LEMD3: variants seen among roughly 807,000 people sequenced by gnomAD.
LEMD3 encodes the protein LEM domain containing 3, also known as inner nuclear membrane protein Man1.
In LEMD3, 33 loss-of-function variants were observed where a neutral mutation model predicts 95.2. The observed-to-expected ratio is 0.35, with a 90% CI of 0.26 to 0.46. LEMD3 has a LOEUF of 0.46. Among genes scored for constraint, LEMD3 ranks in the 20% least tolerant of loss-of-function variants. The probability of loss-of-function intolerance (pLI) is 1.00; values close to 1 mark genes in which losing one functional copy is unlikely to be tolerated. For synonymous variants in LEMD3, 525 were observed against 474.6 expected (o/e 1.11, Z -1.38); for missense variants, 1,210 against 1,192.8 (o/e 1.01, Z -0.21).
chr12:65,199,107 T>G (rs1428093366), intron 1 of LEMD3, among the ~76,000 whole-genome samples: 1 of 152,154 alleles, frequency 6.6e-6, no homozygotes, highest in Non-Finnish European at 1.5e-5. Flanking sequence ...ATTGTTGATA[T>G]TTACTTAACA....
intron 1 of LEMD3, among the ~76,000 whole-genome samples, chr12:65,184,518 T>C (rs1228906216): frequency 2.0e-5 from 3 of 152,206 alleles, no homozygotes; most frequent in Admixed American, 6.6e-5. Flanking sequence ...TTTTCTCTTA[T>C]ACTTTTTCAT....
chr12:65,191,297 G>A (rs2136324436), intron 1 of LEMD3, among the ~76,000 whole-genome samples: 1 of 152,096 alleles, frequency 6.6e-6, no homozygotes, highest in African/African-American at 2.4e-5. Context: ...GACTTAAAAT[G>A]GCTATGATAA....
chr12:65,177,326 A>G (rs900988433), intron 1 of LEMD3, among the ~76,000 whole-genome samples: 2 of 152,206 alleles, frequency 1.3e-5, no homozygotes, highest in Admixed American at 6.5e-5. Flanking sequence ...AGTTGGGCCT[A>G]TGAATGAAAT....
chr12:65,243,499 C>A, intron 10 of LEMD3, 30 bp downstream of exon 10: 2 of 1,236,160 alleles, frequency 1.6e-6, no homozygotes, highest in African/African-American at 1.5e-5. Flanking sequence ...GTACATGTAA[C>A]TCTTATTCTG....
intron 1 of LEMD3, among the ~76,000 whole-genome samples, chr12:65,209,514 G>A (rs553201977): frequency 3.6e-4 from 54 of 151,996 alleles, no homozygotes; most frequent in Non-Finnish European, 6.9e-4. Flanking sequence ...TGTTTATATT[G>A]AAAAATTAAT....
intron 1 of LEMD3, among the ~76,000 whole-genome samples, chr12:65,173,123 A>G (rs535406695): frequency 9.9e-5 from 15 of 152,272 alleles, no homozygotes; most frequent in African/African-American, 3.1e-4. Flanking sequence ...TTTATTTCCA[A>G]CTAGAAAGAC....
intron 1 of LEMD3, among the ~76,000 whole-genome samples, chr12:65,189,005 G>A (rs2136323265): frequency 6.6e-6 from 1 of 152,126 alleles, no homozygotes; most frequent in South Asian, 2.1e-4. Context: ...GCCTGAAAAT[G>A]GATACTATCA....
intron 4 of LEMD3, among the ~76,000 whole-genome samples, chr12:65,231,734 AG>A (rs1870636371): frequency 6.6e-6 from 1 of 152,130 alleles, no homozygotes; most frequent in Admixed American, 6.5e-5. Context: ...AAGGAAAAAA[AG>A]CTTCAAATTC....
At chr12:65,177,014 A>C (rs1184288307) in intron 1 of LEMD3, among the ~76,000 whole-genome samples, 4 of 152,234 alleles carry the variant, frequency 2.6e-5, no homozygotes, top group African/African-American at 9.6e-5. Context: ...CACTAATAAC[A>C]GTAATAGGAA....
chr12:65,229,042 G>A (rs961355985), intron 4 of LEMD3, among the ~76,000 whole-genome samples: 2 of 152,050 alleles, frequency 1.3e-5, no homozygotes, highest in African/African-American at 4.8e-5. Context: ...ACCTCCATGA[G>A]ATCAACTTTT....
rs1871078501 is a variant in LEMD3 at position 65,245,504 on chromosome 12, A to G, written c.2388-165A>G. ...GAGACTTCTGAATTGTAATTTTTAA[A>G]TCTACCTCCTGTTAGTCAACAAGCA... On this transcript the variant is annotated intron_variant, in intron 10 of 12. Coordinates refer to ENST00000308330, the MANE Select transcript of LEMD3 (RefSeq NM_014319.5). 16 of 624,024 alleles carry G rather than the reference A, an allele frequency of 2.6e-5. No individual in the cohort carries two copies. In the South Asian group the frequency reaches 2.9e-4, roughly 11 times the overall value. The allele number at this position is 624,024 out of a possible 1,614,324, so 38.7% of individuals were successfully genotyped here.
At position 65,169,992 on chromosome 12, in the gene LEMD3, C is replaced by A; in HGVS notation, c.396C>A (p.Gly132=). 1 of 1,477,848 alleles carries A rather than the reference C, an allele frequency of 6.8e-7. No individual in the cohort carries two copies. The highest frequency in any genetic ancestry group is 1.3e-5 in the South Asian group (1 of 75,358). The allele number at this position is 1,477,848 out of a possible 1,614,324, so 91.5% of individuals were successfully genotyped here. The change falls in exon 1 of 13, where the codon GGC becomes GGA. Residue 132 remains glycine (G), a synonymous_variant. Coordinates refer to ENST00000308330, the MANE Select transcript of LEMD3 (RefSeq NM_014319.5). The part of the protein sequence containing the change: ...PGGASAAPAA[G]SKVLLGFSSD... ...GCGCCTCCGCCGCCCCCGCGGCTGG[C>A]AGCAAAGTGCTGCTGGGCTTCAGCT...
intron 2 of LEMD3, among the ~76,000 whole-genome samples, chr12:65,214,415 G>A (rs977159560): frequency 7.2e-5 from 11 of 152,054 alleles, no homozygotes; most frequent in Admixed American, 2.0e-4. Context: ...ATATATATAC[G>A]TAGGAAGGCA....
At chr12:65,221,736 C>CTTT (rs57423350) in intron 4 of LEMD3, among the ~76,000 whole-genome samples, 55 of 127,220 alleles carry the variant, frequency 4.3e-4, no homozygotes, top group South Asian at 1.0e-3. Context: ...GAAAATCTCT[C>CTTT]TTTTTTTTTT....
In LEMD3 at chr12:65,234,900, A is replaced by G. The variant is rs888617434; in HGVS notation, c.1696-3602A>G. 3.9e-5 allele frequency among the ~76,000 whole-genome samples: 6 copies of G among 152,138 alleles called. 1 individual carries two copies. In the South Asian group the frequency reaches 1.2e-3, roughly 31 times the overall value. The stretch of plus-strand genomic sequence containing the variant: ...TGTATATTTAAAATTTGCACTAATA[A>G]CCTTGGGAGTTTGTTTTTATGTTAT... On this transcript the variant is annotated intron_variant, in intron 4 of 12. Transcript: ENST00000308330.
chr12:65,173,962 T>A (rs934882918), intron 1 of LEMD3, among the ~76,000 whole-genome samples: 16 of 152,144 alleles, frequency 1.1e-4, no homozygotes, highest in African/African-American at 2.9e-4. Flanking sequence ...TACACACACA[T>A]ACATACACGT....
intron 4 of LEMD3, among the ~76,000 whole-genome samples, chr12:65,219,359 A>C (rs1870211568): frequency 6.6e-6 from 1 of 152,238 alleles, no homozygotes; most frequent in Non-Finnish European, 1.5e-5. Context: ...AAAGATGGAT[A>C]AATGTCATTC....
intron 1 of LEMD3, among the ~76,000 whole-genome samples, chr12:65,207,442 T>C (rs1346969543): frequency 6.7e-6 from 1 of 149,890 alleles, no homozygotes; most frequent in African/African-American, 2.5e-5. Context: ...GAAGGGGGAT[T>C]CTGAGAAGGA....
Position 65,210,598 on chromosome 12 carries a change from C to T in LEMD3, c.1523-328C>T, listed in dbSNP as rs1405288856. Among the ~76,000 whole-genome samples, 3 of 152,048 alleles carry T rather than the reference C, an allele frequency of 2.0e-5. No homozygotes were observed. In the East Asian group the frequency reaches 5.8e-4, roughly 29 times the overall value. ...CCATACTCCTTTAAAGAAGAAACTA[C>T]AATTTAGAGTAGCTAATTAGATGTT... On this transcript the variant is annotated intron_variant, in intron 1 of 12. Coordinates refer to ENST00000308330, the MANE Select transcript of LEMD3 (RefSeq NM_014319.5).
Sources: allele counts gnomAD v4.1 joint callset (sites outside exome capture counted in the v4.1 genomes callset), GRCh38; gene constraint gnomAD v4.1.1; transcripts MANE v1.5; gene names NCBI Gene and HGNC (gene_info 2026-07-23, HGNC 2026-07-21).